Variants in CLIC2 observed in about 807,000 individuals in gnomAD.
CLIC2 encodes CLIC family member 2.
A neutral mutation model predicts 14.8 loss-of-function variants in CLIC2; 9 were observed. The ratio of observed to expected loss-of-function variants is 0.61; its 90% CI spans 0.37 to 1.06. The LOEUF (loss-of-function observed/expected upper bound fraction) is 1.06, where lower values mean the gene tolerates loss of function less well. Ranked by LOEUF, CLIC2 falls within the 50% of genes least tolerant of loss-of-function variation. The pLI is 0.01. For synonymous variants in CLIC2, 61 were observed against 66.3 expected (o/e 0.92, Z 0.39); for missense variants, 148 against 181.4 (o/e 0.82, Z 1.06).
chrX:155,294,106 T>C (rs2074984569), intron 3 of CLIC2, among the ~76,000 whole-genome samples: 1 of 111,967 alleles, frequency 8.9e-6, no homozygotes, highest in South Asian at 3.7e-4. Context: ...CTACAGAATA[T>C]ACATTCATCA....
intron 1 of CLIC2, among the ~76,000 whole-genome samples, chrX:155,325,727 C>CT (rs2075133837): frequency 1.2e-5 from 1 of 83,125 alleles, no homozygotes; most frequent in Non-Finnish European, 2.2e-5. Flanking sequence ...GCACATGCAT[C>CT]CAAGAACTGA....
At chrX:155,297,232 C>G (rs2074995324) in intron 3 of CLIC2, among the ~76,000 whole-genome samples, 1 of 111,136 alleles carries the variant, frequency 9.0e-6, no homozygotes, top group South Asian at 3.8e-4. Context: ...ATAGCATGTT[C>G]TCACTTATAT....
intron 3 of CLIC2, chrX:155,291,253 A>T (rs782506351): frequency 1.1e-6 from 1 of 932,801 alleles, no homozygotes; most frequent in Non-Finnish European, 1.5e-6. Context: ...GGCTGACTAT[A>T]TATGATCCAA....
chrX:155,313,322 C>T (rs2075081788), intron 1 of CLIC2, among the ~76,000 whole-genome samples: 1 of 110,342 alleles, frequency 9.1e-6, no homozygotes, highest in African/African-American at 3.3e-5. Context: ...TTCTTAAAGA[C>T]CTAAAAATAG....
At chrX:155,299,182 G>T (rs41312792) in intron 1 of CLIC2, 37 bp from the exon 2 acceptor site, 1,269 of 1,048,588 alleles carry the variant, frequency 1.2e-3, no homozygotes, top group Non-Finnish European at 1.6e-3. Context: ...TCATTTGTTT[G>T]TTCAATAAGT....
intron 1 of CLIC2, among the ~76,000 whole-genome samples, chrX:155,305,434 C>G (rs1038151739): frequency 2.7e-5 from 3 of 112,466 alleles, no homozygotes; most frequent in Non-Finnish European, 5.6e-5. Flanking sequence ...TGCTTCGGCT[C>G]GCGCACGGTG....
intron 1 of CLIC2, among the ~76,000 whole-genome samples, chrX:155,315,884 C>T (rs2075093466): frequency 8.9e-6 from 1 of 111,771 alleles, no homozygotes; most frequent in African/African-American, 3.3e-5. Flanking sequence ...TCACCTAACA[C>T]ATAAGGACTC....
chrX:155,323,506 CA>C (rs1419871697), intron 1 of CLIC2, among the ~76,000 whole-genome samples: 8 of 111,733 alleles, frequency 7.2e-5, no homozygotes, highest in Non-Finnish European at 1.3e-4. Context: ...AACTCTCAAT[CA>C]ACTAGTTATT....
intron 1 of CLIC2, among the ~76,000 whole-genome samples, chrX:155,311,762 T>C (rs1389925651): frequency 8.9e-6 from 1 of 112,065 alleles, no homozygotes; most frequent in Non-Finnish European, 1.9e-5. Flanking sequence ...TAGTTCCTTG[T>C]GGCTGGGGAG....
rs2075167772 is a variant in CLIC2 at position 155,334,522 on chromosome X, ATGT to A, written c.-98_-96del. The A allele has an allele frequency of 1.3e-6, 1 of 759,100 alleles. No individual in the cohort carries two copies. Among genetic ancestry groups the A allele is most frequent in the South Asian group, 2.1e-5 (1 of 47,388 alleles). The allele number at this position is 759,100 out of a possible 1,213,427, so 62.6% of individuals were successfully genotyped here. Reference sequence around the variant, plus strand: ...TCAATTTTATCCAAAGACTCAAGTAATGTTGGTGCTTTAAGAAGACCGTCTAGC... The same window carrying A: ...TCAATTTTATCCAAAGACTCAAGTAATGGTGCTTTAAGAAGACCGTCTAGC... On this transcript the variant is annotated 5_prime_UTR_variant, in exon 1 of 6. Transcript: ENST00000369449.
intron 3 of CLIC2, among the ~76,000 whole-genome samples, chrX:155,297,839 G>A (rs1204324291): frequency 6.0e-5 from 3 of 50,101 alleles, no homozygotes; most frequent in Admixed American, 3.2e-4. Flanking sequence ...CAGCCTGGGC[G>A]ACAGAGCGAG....
At chrX:155,292,135 C>T in intron 3 of CLIC2, 1 of 567,300 alleles carries the variant, frequency 1.8e-6, no homozygotes, top group Non-Finnish European at 3.2e-6. Context: ...TGATAGAGTA[C>T]AAATGGCCAC....
chrX:155,313,497 A>C (rs782211323), intron 1 of CLIC2, among the ~76,000 whole-genome samples: 36 of 112,477 alleles, frequency 3.2e-4, no homozygotes, highest in African/African-American at 1.1e-3. Flanking sequence ...GGATAAAGAC[A>C]ATGTGGTACA....
At chrX:155,293,008 C>CTGTG in intron 3 of CLIC2, 7 of 741,574 alleles carry the variant, frequency 9.4e-6, no homozygotes, top group Non-Finnish European at 1.5e-5. Flanking sequence ...ACCAGATGAG[C>CTGTG]TGTGGTATCT....
At chrX:155,324,719 C>A (rs1280467852) in intron 1 of CLIC2, among the ~76,000 whole-genome samples, 1 of 111,648 alleles carries the variant, frequency 9.0e-6, no homozygotes, top group East Asian at 2.8e-4. Context: ...GACTTCATGA[C>A]TAAAACAACA....
At chrX:155,280,100 G>T in intron 3 of CLIC2, 32 bp from the exon 4 acceptor site, 1 of 987,282 alleles carries the variant, frequency 1.0e-6, no homozygotes, top group Non-Finnish European at 1.4e-6. Flanking sequence ...ACTATCATTT[G>T]CACATAACAT....
chrX:155,316,436 A>C (rs1557321094), intron 1 of CLIC2, among the ~76,000 whole-genome samples: 3 of 111,714 alleles, frequency 2.7e-5, no homozygotes, highest in South Asian at 3.7e-4. Flanking sequence ...ACAGTGGAAT[A>C]AAATTAGAAA....
chrX:155,308,540 T>C (rs1268456717), intron 1 of CLIC2, among the ~76,000 whole-genome samples: 1 of 111,629 alleles, frequency 9.0e-6, no homozygotes, highest in Non-Finnish European at 1.9e-5. Context: ...GAGAAAGACA[T>C]TGATATGCAA....
Position 155,279,212 on chromosome X carries a change from G to T in CLIC2, c.519C>A (p.Phe173Leu), listed in dbSNP as rs781997025. 6 of 1,208,215 alleles carry T rather than the reference G, an allele frequency of 5.0e-6. No homozygotes were observed. The African/African-American group carries it at 1.1e-4, about 21-fold the overall frequency. ...AEEPPVSRRLFLDGDQLTLAD... is the reference protein window; with the variant it reads ...AEEPPVSRRLLLDGDQLTLAD... ...CCAGTGTTAGCTGGTCCCCATCCAAGAATAGTCTTCTGGAAACTGGGGGTT... is the reference window on the plus strand; with the variant it reads ...CCAGTGTTAGCTGGTCCCCATCCAATAATAGTCTTCTGGAAACTGGGGGTT... The change falls in exon 5 of 6, where the codon TTC becomes TTA. Residue 173 changes from phenylalanine (F) to leucine (L), a missense_variant. Transcript: ENST00000369449.
Sources: allele counts gnomAD v4.1 joint callset (sites outside exome capture counted in the v4.1 genomes callset), GRCh38; gene constraint gnomAD v4.1.1; transcripts MANE v1.5; gene names NCBI Gene and HGNC (gene_info 2026-07-23, HGNC 2026-07-21).